Variants in PNPLA6 observed in about 807,000 individuals in gnomAD.
PNPLA6 encodes the protein patatin like domain 6, lysophospholipase, also known as patatin-like phospholipase domain-containing protein 6.
PNPLA6 carries 105 observed loss-of-function variants against 153.7 expected under a neutral mutation model. The observed-to-expected ratio is 0.68, with a 90% CI of 0.58 to 0.80. PNPLA6 has a LOEUF of 0.80. PNPLA6 is among the 30% of genes least tolerant of loss of function. PNPLA6 has a pLI of 0.00. For synonymous variants in PNPLA6, 825 were observed against 822.2 expected (o/e 1.00, Z -0.06); for missense variants, 1,423 against 1,919.3 (o/e 0.74, Z 4.83).
rs569943531 is a variant in PNPLA6, at chr19:7,540,194, C to T, written c.600C>T (p.Arg200=). 7 of 1,610,942 alleles carry T rather than the reference C, an allele frequency of 4.3e-6. No individual in the cohort carries two copies. Among genetic ancestry groups the T allele is most frequent in the South Asian group, 1.1e-5 (1 of 91,088 alleles). ...FEKPLFLELC[R]HMVFQRLGQG... is the part of the protein sequence containing the mutation. Reference sequence around the variant, plus strand: ...AGCCACTCTTCCTGGAGCTCTGCCGCCACATGGTCTTCCAGCGGCTGGGCC... The same window carrying T: ...AGCCACTCTTCCTGGAGCTCTGCCGTCACATGGTCTTCCAGCGGCTGGGCC... Residue 200 remains arginine, a synonymous_variant, in exon 5 of 32, where the codon CGC becomes CGT. Transcript: ENST00000600737. This position sits in a 1 kb window ranked among gnomAD's most constrained non-coding sequence, Gnocchi z 6.8.
chr19:7,535,413 G>A (rs1268907931), upstream of PNPLA6: 4 of 923,846 alleles, frequency 4.3e-6, no homozygotes, highest in Admixed American at 6.0e-5. The surrounding 1 kb of genome is among the most constrained non-coding windows in gnomAD (Gnocchi z 5.0). Context: ...CCACCCCAGA[G>A]GGCAGGGCTT....
intron 13 of PNPLA6, among the ~76,000 whole-genome samples, chr19:7,548,891 C>G (rs1249021518): frequency 6.7e-6 from 1 of 149,912 alleles, no homozygotes; most frequent in East Asian, 2.0e-4. Flanking sequence ...CAAGCTCCTC[C>G]TCCCGGGTTC....
In PNPLA6 at chr19:7,540,608, T is replaced by C; in HGVS notation, c.715-22T>C. 1 of 1,595,848 alleles carries C rather than the reference T, an allele frequency of 6.3e-7. No homozygotes were observed. The highest frequency in any genetic ancestry group is 8.6e-7 in the Non-Finnish European group (1 of 1,163,398). ...GTCACCAGGGCGAGGCCACTGAGGG[T>C]CCACGGTCTCCTGTGTCTCAGGACG... On this transcript the variant is annotated intron_variant, in intron 5 of 31. Transcript: ENST00000600737. This position sits in a 1 kb window ranked among gnomAD's most constrained non-coding sequence, Gnocchi z 6.8.
Position 7,541,955 on chromosome 19 carries a change from G to A in PNPLA6, c.1169-29G>A. On this transcript the variant is annotated intron_variant, in intron 9 of 31. Transcript: ENST00000600737. The surrounding 1 kb of genome is among the most constrained non-coding windows in gnomAD (Gnocchi z 5.2). Reference sequence around the variant, plus strand: ...CTAATCCTCCTAGTGGCTCTGAGGGGCAGGAGCCTGAACATGTGTCTCCCC... The same window carrying A: ...CTAATCCTCCTAGTGGCTCTGAGGGACAGGAGCCTGAACATGTGTCTCCCC... The A allele has an allele frequency of 1.3e-6, 2 of 1,576,894 alleles. No individual in the cohort carries two copies. Among genetic ancestry groups the A allele is most frequent in the Admixed American group, 1.7e-5 (1 of 59,966 alleles).
intron 26 of PNPLA6, 92 bp from the exon 27 acceptor site, chr19:7,557,076 G>T: frequency 1.1e-6 from 1 of 947,746 alleles, no homozygotes; most frequent in East Asian, 2.4e-5. Context: ...CGTTAACAAC[G>T]TCCCAGGTCA....
At chr19:7,551,935 C>G (rs2146093216) in intron 18 of PNPLA6, among the ~76,000 whole-genome samples, 1 of 151,966 alleles carries the variant, frequency 6.6e-6, no homozygotes, top group African/African-American at 2.4e-5. Context: ...GTAGGACCCC[C>G]GTCTCTACAA....
Position 7,540,907 on chromosome 19 carries a change from C to G in PNPLA6, c.796-16C>G, listed in dbSNP as rs765148805. 6.2e-7 allele frequency: 1 copy of G among 1,612,912 alleles called. No homozygotes were observed. The highest frequency in any genetic ancestry group is 8.5e-7 in the Non-Finnish European group (1 of 1,179,856). Reference sequence around the variant, plus strand: ...GCCTCTGCCCTTGTCTCTCTTCACGCCCTCCCCTCCCCCAGGGTCACCAGC... The same window carrying G: ...GCCTCTGCCCTTGTCTCTCTTCACGGCCTCCCCTCCCCCAGGGTCACCAGC... On this transcript the variant is annotated splice_polypyrimidine_tract_variant and intron_variant, in intron 6 of 31. Coordinates refer to ENST00000600737, the MANE Select transcript of PNPLA6 (RefSeq NM_001166114.2). This position sits in a 1 kb window ranked among gnomAD's most constrained non-coding sequence, Gnocchi z 6.8.
intron 26 of PNPLA6, chr19:7,556,936 C>T (rs931150392): frequency 1.0e-5 from 7 of 685,014 alleles, no homozygotes; most frequent in South Asian, 1.6e-5. Flanking sequence ...ACTCGTCGGA[C>T]GCCTTACCCC....
At position 7,545,909 on chromosome 19, in the gene PNPLA6, CA is replaced by C. The variant is rs554820974; in HGVS notation, c.1608+2846del. Among the ~76,000 whole-genome samples the C allele has an allele frequency of 9.4e-3, 945 of 100,478 alleles. 7 individuals carry two copies. Among genetic ancestry groups the C allele is most frequent in the African/African-American group, 0.034 (827 of 24,682 alleles). 65.9% of individuals were successfully genotyped at this position (100,478 alleles called of 152,430 possible). On this transcript the variant is annotated intron_variant, in intron 13 of 31. Coordinates refer to ENST00000600737, the MANE Select transcript of PNPLA6 (RefSeq NM_001166114.2). Reference sequence around the variant, plus strand: ...TGTGCAACAGAGTGAGACCCTGTCTCAAAAAAAAAAAAAAAAAAAAAGTGGG... The same window carrying C: ...TGTGCAACAGAGTGAGACCCTGTCTCAAAAAAAAAAAAAAAAAAAAGTGGG...
rs556086762 is a variant in PNPLA6, at chr19:7,544,057, C to T, written c.1608+973C>T. 2.0e-5 allele frequency among the ~76,000 whole-genome samples: 3 copies of T among 152,056 alleles called. No homozygotes were observed. The South Asian group carries it at 6.2e-4, about 32-fold the overall frequency. The stretch of plus-strand genomic sequence containing the variant: ...CTCGATCTCCTGACCTCGTGATCCG[C>T]CCGCCTAGGCCTTCCAAAGTGCTGG... On this transcript the variant is annotated intron_variant, in intron 13 of 31. Coordinates refer to ENST00000600737, the MANE Select transcript of PNPLA6 (RefSeq NM_001166114.2).
At position 7,551,425 on chromosome 19, in the gene PNPLA6, G is replaced by A; in HGVS notation, c.2248G>A (p.Gly750Arg). The change falls in exon 18 of 32, where the codon GGA (glycine) becomes AGA (arginine). Residue 750 changes from glycine (G) to arginine (R), a missense_variant. By Grantham distance (125) the Gly-to-Arg change is moderately radical. Transcript: ENST00000600737. Reference protein sequence around the residue: ...KILGNLQQLQGPFPGSGLGVP... With the variant: ...KILGNLQQLQRPFPGSGLGVP... ...TCTAGGGAATTTGCAGCAGCTGCAAGGACCCTTCCCAGGTGAGAGCCGGCC... is the reference window on the plus strand; with the variant it reads ...TCTAGGGAATTTGCAGCAGCTGCAAAGACCCTTCCCAGGTGAGAGCCGGCC... The A allele has an allele frequency of 5.0e-6, 8 of 1,613,952 alleles. No homozygotes were observed. The highest frequency in any genetic ancestry group is 5.9e-6 in the Non-Finnish European group (7 of 1,179,908).
chr19:7,539,200 G>T (rs1003893519), intron 3 of PNPLA6, among the ~76,000 whole-genome samples: 4 of 152,206 alleles, frequency 2.6e-5, no homozygotes, highest in African/African-American at 9.6e-5. Flanking sequence ...GTGGCCAGCC[G>T]GGTGCAGTGG....
intron 26 of PNPLA6, 31 bp from the exon 27 acceptor site, chr19:7,557,137 C>G: frequency 6.7e-7 from 1 of 1,497,780 alleles, no homozygotes; most frequent in Non-Finnish European, 9.3e-7. Context: ...CGTGTCTGTG[C>G]GTGTTTGTGT....
chr19:7,550,230 T>C, intron 14 of PNPLA6, 68 bp from the exon 15 acceptor site: 1 of 1,610,386 alleles, frequency 6.2e-7, no homozygotes, highest in Admixed American at 1.7e-5. Context: ...CCCCCAGATC[T>C]GGCCTCCCAG....
chr19:7,536,281 C>T lies in PNPLA6; in HGVS notation c.315+8C>T, dbSNP rs1041357827. On this transcript the variant is annotated splice_region_variant and intron_variant, in intron 2 of 31. Coordinates refer to ENST00000600737, the MANE Select transcript of PNPLA6 (RefSeq NM_001166114.2). ...CGGAAGATTATGCGGAAGGTGAGTC[C>T]GGGACCCCTGGGGTCCGCCCTGACC... 1.1e-5 allele frequency: 17 copies of T among 1,609,220 alleles called. No individual in the cohort carries two copies. In the Admixed American group the frequency reaches 2.0e-4, roughly 19 times the overall value.
chr19:7,542,183 C>T (rs775773714), intron 10 of PNPLA6, 116 bp downstream of exon 10: 2 of 772,492 alleles, frequency 2.6e-6, no homozygotes, highest in Non-Finnish European at 4.4e-6. Context: ...GCCAGTACTT[C>T]CCCAGGCACT....
At chr19:7,557,456 G>A in intron 27 of PNPLA6, 172 bp downstream of exon 27, 1 of 675,996 alleles carries the variant, frequency 1.5e-6, no homozygotes, top group South Asian at 1.6e-5. Context: ...AATGATACAT[G>A]AATGTGCCTG....
chr19:7,550,276 C>T, intron 14 of PNPLA6, 22 bp from the exon 15 acceptor site: 1 of 1,612,930 alleles, frequency 6.2e-7, no homozygotes, highest in Non-Finnish European at 8.5e-7. Flanking sequence ...CTTCCTCTTT[C>T]ATCCCAAGTC....
intron 13 of PNPLA6, among the ~76,000 whole-genome samples, chr19:7,543,774 T>C (rs2023260362): frequency 6.6e-6 from 1 of 151,888 alleles, no homozygotes; most frequent in South Asian, 2.1e-4. Flanking sequence ...AAAGAAGAGA[T>C]GCCTAGTTCG....
Sources: gnomAD v4.1 joint callset for allele counts (sites outside exome capture counted in the v4.1 genomes callset) on GRCh38, gnomAD v4.1.1 for gene constraint, Gnocchi (gnomAD v3.1) non-coding constraint, MANE v1.5 for transcripts, NCBI Gene and HGNC (gene_info 2026-07-23, HGNC 2026-07-21) for gene names.